SAMD12: variants seen among roughly 807,000 people sequenced by gnomAD.
The protein encoded by SAMD12 is sterile alpha motif domain-containing protein 12.
In SAMD12, 9 loss-of-function variants were observed where a neutral mutation model predicts 15.0. The observed-to-expected ratio is 0.60, with a 90% CI of 0.36 to 1.05. The LOEUF is 1.05. SAMD12 is among the 50% of genes least tolerant of loss of function. The pLI is 0.01. For missense variants in SAMD12, 230 were observed against 234.2 expected (o/e 0.98, Z 0.12); for synonymous variants, 86 against 90.1 (o/e 0.96, Z 0.25).
intron 4 of SAMD12, among the ~76,000 whole-genome samples, chr8:118,270,672 T>G (rs893314707): frequency 5.9e-5 from 9 of 152,326 alleles, no homozygotes; most frequent in African/African-American, 1.7e-4. Flanking sequence ...ACATAATGTG[T>G]GCTTTTAGTA....
At chr8:118,422,204 A>G (rs2130847578) in intron 3 of SAMD12, among the ~76,000 whole-genome samples, 1 of 152,376 alleles carries the variant, frequency 6.6e-6, no homozygotes, top group East Asian at 1.9e-4. Flanking sequence ...TGCCTACTTT[A>G]TGCCAGGCAC....
At chr8:118,548,425 C>A (rs1370122437) in intron 2 of SAMD12, among the ~76,000 whole-genome samples, 1 of 133,134 alleles carries the variant, frequency 7.5e-6, no homozygotes, top group African/African-American at 2.8e-5. Context: ...ACACACACAC[C>A]CCATGTGATG....
chr8:118,458,674 G>A (rs1258704165), intron 2 of SAMD12, among the ~76,000 whole-genome samples: 2 of 152,034 alleles, frequency 1.3e-5, no homozygotes, highest in African/African-American at 4.8e-5. Flanking sequence ...GAGTCATTTG[G>A]GATTATTGAT....
chr8:118,578,632 C>A (rs1305639937), intron 2 of SAMD12, among the ~76,000 whole-genome samples: 1 of 152,162 alleles, frequency 6.6e-6, no homozygotes, highest in African/African-American at 2.4e-5. Context: ...TTTGTACCTG[C>A]ACAAAACAAG....
intron 4 of SAMD12, among the ~76,000 whole-genome samples, chr8:118,342,751 C>T (rs1817436583): frequency 6.6e-6 from 1 of 152,174 alleles, no homozygotes; most frequent in Non-Finnish European, 1.5e-5. Flanking sequence ...TAGGAGATGT[C>T]CCAAGAACCT....
At chr8:118,485,759 A>T (rs376380258) in intron 2 of SAMD12, among the ~76,000 whole-genome samples, 21 of 152,344 alleles carry the variant, frequency 1.4e-4, no homozygotes, top group African/African-American at 4.8e-4. Context: ...AAAGGGAATT[A>T]AAAAAAGCTA....
At chr8:118,366,997 G>A (rs185110034) in intron 4 of SAMD12, among the ~76,000 whole-genome samples, 1 of 151,932 alleles carries the variant, frequency 6.6e-6, no homozygotes, top group African/African-American at 2.4e-5. Context: ...CTTTATTCTT[G>A]TCTGGGGCTC....
At chr8:118,142,969 G>T in the SAMD12 span, among the ~76,000 whole-genome samples, 1 of 152,302 alleles carries the variant, frequency 6.6e-6, no homozygotes, top group East Asian at 1.9e-4. Flanking sequence ...ACCGGCCAGG[G>T]CCTGTTTATT....
chr8:118,257,052 C>T (rs1338748290), intron 4 of SAMD12, among the ~76,000 whole-genome samples: 1 of 151,984 alleles, frequency 6.6e-6, no homozygotes, highest in Non-Finnish European at 1.5e-5. Flanking sequence ...ACACTGGCCT[C>T]AAGACATTGT....
chr8:118,516,791 A>C (rs940902691), intron 2 of SAMD12, among the ~76,000 whole-genome samples: 2 of 151,766 alleles, frequency 1.3e-5, no homozygotes, highest in African/African-American at 4.8e-5. Flanking sequence ...GGCCCACACC[A>C]CTATACCTGA....
chr8:118,510,203 C>T (rs1438323632), intron 2 of SAMD12, among the ~76,000 whole-genome samples: 2 of 151,782 alleles, frequency 1.3e-5, no homozygotes, highest in East Asian at 3.9e-4. Flanking sequence ...GCTTGGTGAT[C>T]AACCCCCCCA....
chr8:118,456,622 G>A (rs148033912), intron 2 of SAMD12, among the ~76,000 whole-genome samples: 91 of 152,272 alleles, frequency 6.0e-4, no homozygotes, highest in Middle Eastern at 3.4e-3. Flanking sequence ...GGGTTTTCAC[G>A]TCAAGACAAA....
At chr8:118,596,626 C>A (rs1383577388) in intron 1 of SAMD12, among the ~76,000 whole-genome samples, 1 of 152,216 alleles carries the variant, frequency 6.6e-6, no homozygotes, top group African/African-American at 2.4e-5. Context: ...TTGTTGATCA[C>A]TGGCAAACTC....
Position 118,379,113 on chromosome 8 carries a change from A to G in SAMD12, c.*304T>C. On this transcript the variant is annotated 3_prime_UTR_variant, in exon 4 of 4. Transcript: ENST00000314727. ...AAAATACAACAAAAACTCCACTTATATCACTGGTCATCGTAACTATTGAAT... is the reference window on the plus strand; with the variant it reads ...AAAATACAACAAAAACTCCACTTATGTCACTGGTCATCGTAACTATTGAAT... The G allele has an allele frequency of 9.0e-7, 1 of 1,107,958 alleles. No homozygotes were observed. 68.6% of individuals were successfully genotyped at this position (1,107,958 alleles called of 1,614,324 possible).
chr8:118,292,349 G>GACACACACACACACGCACACACACAC (rs1814428920), intron 4 of SAMD12, among the ~76,000 whole-genome samples: 1 of 137,624 alleles, frequency 7.3e-6, no homozygotes, highest in Admixed American at 7.3e-5. Context: ...CAAACACACA[G>GACACACACACACACGCACACACACAC]ACACACACAC....
At chr8:118,524,229 G>T (rs1195879365) in intron 2 of SAMD12, among the ~76,000 whole-genome samples, 1 of 152,082 alleles carries the variant, frequency 6.6e-6, no homozygotes, top group Non-Finnish European at 1.5e-5. Context: ...TCCACTGAGA[G>T]AGCTCTTCAT....
chr8:118,328,229 G>A (rs371550111), intron 4 of SAMD12, among the ~76,000 whole-genome samples: 3 of 152,004 alleles, frequency 2.0e-5, no homozygotes, highest in East Asian at 1.9e-4. Flanking sequence ...AAATTTTATT[G>A]CTTCCCATCT....
At chr8:118,147,857 CT>C in the SAMD12 span, among the ~76,000 whole-genome samples, 1 of 151,876 alleles carries the variant, frequency 6.6e-6, no homozygotes, top group Non-Finnish European at 1.5e-5. Context: ...TCAAGAGATC[CT>C]TCCGACTTAG....
intron 4 of SAMD12, among the ~76,000 whole-genome samples, chr8:118,211,280 A>G (rs534207946): frequency 2.6e-4 from 40 of 152,310 alleles, no homozygotes; most frequent in African/African-American, 9.4e-4. Context: ...TAAATAATGA[A>G]GGACTGTATT....
Sources: gnomAD v4.1 joint callset for allele counts (sites outside exome capture counted in the v4.1 genomes callset) on GRCh38, gnomAD v4.1.1 for gene constraint, MANE v1.5 for transcripts, NCBI Gene and HGNC (gene_info 2026-07-23, HGNC 2026-07-21) for gene names.